The following CDH8 variants were observed in gnomAD, a reference collection of about 807,000 sequenced individuals.
CDH8 encodes the protein cadherin-8.
Under a neutral mutation model 68.1 loss-of-function variants are expected in CDH8, and 17 were observed. The ratio of observed to expected loss-of-function variants is 0.25; its 90% CI spans 0.17 to 0.37. CDH8 has a LOEUF of 0.37. CDH8 is among the 10% of genes least tolerant of loss of function. The pLI is 1.00. For missense variants in CDH8, 763 were observed against 999.3 expected (o/e 0.76, Z 3.19); for synonymous variants, 372 against 365.1 (o/e 1.02, Z -0.21).
intron 2 of CDH8, among the ~76,000 whole-genome samples, chr16:61,924,011 CA>C (rs140504879): frequency 0.1 from 15,240 of 148,878 alleles, 1,033 homozygotes; most frequent in East Asian, 0.28. Context: ...GGGATGGGAC[CA>C]AAAAAAAACT....
rs562594406 is a variant in CDH8, at chr16:61,923,670, A to G, written c.253-22197T>C. 8.1e-4 allele frequency among the ~76,000 whole-genome samples: 122 copies of G among 151,078 alleles called. 1 individual carries two copies. Among genetic ancestry groups the G allele is most frequent in the African/African-American group, 2.8e-3 (117 of 41,302 alleles). On this transcript the variant is annotated intron_variant, in intron 2 of 11. Coordinates refer to ENST00000577390, the MANE Select transcript of CDH8 (RefSeq NM_001796.5). The stretch of plus-strand genomic sequence containing the variant: ...CAAGTTCCCTGACCAGAATATTGTC[A>G]GGTGAATATTGTCTCAGGTTATTAT...
chr16:61,665,079 G>A (rs1427544469), intron 10 of CDH8, among the ~76,000 whole-genome samples: 27 of 151,890 alleles, frequency 1.8e-4, no homozygotes. Flanking sequence ...CTCTACAGAA[G>A]TAATTAAGGT....
chr16:61,935,875 G>A (rs751097895), intron 2 of CDH8, among the ~76,000 whole-genome samples: 4 of 152,072 alleles, frequency 2.6e-5, no homozygotes, highest in African/African-American at 9.7e-5. Context: ...GGTGACGGGG[G>A]CTGTCCATGA....
chr16:61,701,480 A>G (rs920276070), intron 10 of CDH8, among the ~76,000 whole-genome samples: 2 of 152,222 alleles, frequency 1.3e-5, no homozygotes, highest in Non-Finnish European at 2.9e-5. Context: ...AAGTTTAATA[A>G]TGAATCATCT....
At chr16:61,716,514 T>C (rs1371415478) in intron 9 of CDH8, among the ~76,000 whole-genome samples, 4 of 151,782 alleles carry the variant, frequency 2.6e-5, no homozygotes, top group Non-Finnish European at 4.4e-5. Flanking sequence ...GCAATCTGTA[T>C]TTCAAACAGC....
At chr16:62,011,295 A>G (rs1283468336) in intron 2 of CDH8, among the ~76,000 whole-genome samples, 1 of 152,178 alleles carries the variant, frequency 6.6e-6, no homozygotes, top group Non-Finnish European at 1.5e-5. Context: ...AGCAGACAAC[A>G]GTTAATAGTT....
chr16:61,691,065 C>A (rs980258970), intron 10 of CDH8, among the ~76,000 whole-genome samples: 1 of 152,194 alleles, frequency 6.6e-6, no homozygotes, highest in Middle Eastern at 3.4e-3. Flanking sequence ...CCATTATCTT[C>A]GAAAAGGCCT....
chr16:61,923,450 G>GA (rs34660427), intron 2 of CDH8, among the ~76,000 whole-genome samples: 5 of 151,938 alleles, frequency 3.3e-5, no homozygotes, highest in Admixed American at 1.3e-4. Flanking sequence ...TAACGTTTGG[G>GA]AAAAAATTAT....
At chr16:61,716,373 G>C (rs1964730341) in intron 9 of CDH8, among the ~76,000 whole-genome samples, 1 of 151,616 alleles carries the variant, frequency 6.6e-6, no homozygotes, top group Admixed American at 6.6e-5. Context: ...TCACATCTCA[G>C]AAGTCTGGTC....
chr16:61,707,508 T>C (rs1964555560), intron 10 of CDH8, among the ~76,000 whole-genome samples: 1 of 152,108 alleles, frequency 6.6e-6, no homozygotes, highest in South Asian at 2.1e-4. Flanking sequence ...CCAAGACAAT[T>C]TTTTTCATGT....
At chr16:61,841,231 G>A (rs1355657585) in intron 4 of CDH8, among the ~76,000 whole-genome samples, 3 of 152,172 alleles carry the variant, frequency 2.0e-5, no homozygotes. Context: ...CCCAGCAGTA[G>A]GATAGCTGGA....
chr16:62,011,560 A>G (rs1233696385), intron 2 of CDH8, among the ~76,000 whole-genome samples: 2 of 152,200 alleles, frequency 1.3e-5, no homozygotes, highest in Admixed American at 1.3e-4. Context: ...AGAGCAAAAA[A>G]GCATGATTTG....
intron 4 of CDH8, among the ~76,000 whole-genome samples, chr16:61,827,006 A>G (rs1010797582): frequency 6.6e-6 from 1 of 151,902 alleles, no homozygotes; most frequent in Non-Finnish European, 1.5e-5. Context: ...AAAAACAGAA[A>G]TAAAAGTAGA....
At chr16:61,692,976 C>A (rs577542435) in intron 10 of CDH8, 24 of 152,172 alleles carry the variant, frequency 1.6e-4, no homozygotes, top group Non-Finnish European at 2.9e-4. Context: ...GATAACATGA[C>A]AAATTAATTT....
chr16:61,686,710 G>A (rs932156865), intron 10 of CDH8, among the ~76,000 whole-genome samples: 2 of 151,976 alleles, frequency 1.3e-5, no homozygotes, highest in South Asian at 4.1e-4. Flanking sequence ...AAGAAAAAGA[G>A]ATATTTTTAA....
At chr16:61,960,294 C>CGTGTGTGTGTATACACACATATATAT (rs1965116027) in intron 2 of CDH8, among the ~76,000 whole-genome samples, 1 of 90,336 alleles carries the variant, frequency 1.1e-5, no homozygotes, top group Non-Finnish European at 1.9e-5. Flanking sequence ...CACATATATA[C>CGTGTGTGTGTATACACACATATATAT]GTGTGTGTGT....
chr16:61,814,527 C>A (rs2142999646), intron 7 of CDH8, among the ~76,000 whole-genome samples: 1 of 152,262 alleles, frequency 6.6e-6, no homozygotes, highest in East Asian at 1.9e-4. Context: ...GCGTGAGAAG[C>A]CAACCAACCA....
Position 61,871,663 on chromosome 16 carries a change from A to C in CDH8, c.548-14425T>G, listed in dbSNP as rs922891277. Among the ~76,000 whole-genome samples the C allele has an allele frequency of 4.6e-5, 7 of 151,292 alleles. No homozygotes were observed. The Admixed American group carries it at 4.7e-4, about 10-fold the overall frequency. On this transcript the variant is annotated intron_variant, in intron 3 of 11. Coordinates refer to ENST00000577390, the MANE Select transcript of CDH8 (RefSeq NM_001796.5). ...CAATGGGAAATGTGAGAAAACCTTA[A>C]TTGTTAAAAACAACAACAACAAAAA...
intron 2 of CDH8, among the ~76,000 whole-genome samples, chr16:61,949,358 G>C (rs558686830): frequency 1.3e-5 from 2 of 152,156 alleles, no homozygotes; most frequent in East Asian, 3.9e-4. Context: ...CTGTAAAATG[G>C]ACCAATCAGC....
Sources: gnomAD v4.1 joint callset for allele counts (sites outside exome capture counted in the v4.1 genomes callset) on GRCh38, gnomAD v4.1.1 for gene constraint, MANE v1.5 for transcripts, NCBI Gene and HGNC (gene_info 2026-07-23, HGNC 2026-07-21) for gene names.